Variants in FRMD4A observed in about 807,000 individuals in gnomAD.
The protein encoded by FRMD4A is FERM domain-containing protein 4A.
FRMD4A carries 29 observed loss-of-function variants against 129.1 expected under a neutral mutation model. The ratio of observed to expected loss-of-function variants is 0.22; its 90% CI spans 0.17 to 0.31. The LOEUF (loss-of-function observed/expected upper bound fraction) is 0.31. FRMD4A is among the 10% of genes least tolerant of loss of function. The pLI is 1.00. For synonymous variants in FRMD4A, 634 were observed against 571.6 expected (o/e 1.11, Z -1.56); for missense variants, 1,272 against 1,375.8 (o/e 0.92, Z 1.19).
intron 2 of FRMD4A, among the ~76,000 whole-genome samples, chr10:13,895,040 C>T (rs1013857992): frequency 3.3e-5 from 5 of 152,208 alleles, no homozygotes; most frequent in South Asian, 2.1e-4. Flanking sequence ...ATGTAAAGCA[C>T]TTAGAACAGG....
At chr10:14,196,737 T>C (rs1422306608) in intron 2 of FRMD4A, among the ~76,000 whole-genome samples, 2 of 152,218 alleles carry the variant, frequency 1.3e-5, no homozygotes, top group Non-Finnish European at 2.9e-5. Flanking sequence ...ATAGAAATCA[T>C]TCAATAAATG....
Position 14,134,513 on chromosome 10 carries a change from GGATGGAGGGATGGGTGAAAA to G in FRMD4A, c.45+195525_45+195544del, listed in dbSNP as rs1398170296. 1.3e-4 allele frequency among the ~76,000 whole-genome samples: 19 copies of G among 151,342 alleles called. No individual in the cohort carries two copies. In the East Asian group the frequency reaches 3.5e-3, roughly 28 times the overall value. ...TATATGGGGGGATGAATTGTTGGAG[GGATGGAGGGATGGGTGAAAA>G]GATGGAGGGATTGGTGAAAAAAATG... On this transcript the variant is annotated intron_variant, in intron 2 of 24. Transcript: ENST00000357447.
At chr10:13,974,362 G>C (rs911349636) in intron 2 of FRMD4A, among the ~76,000 whole-genome samples, 1 of 152,056 alleles carries the variant, frequency 6.6e-6, no homozygotes, top group African/African-American at 2.4e-5. Context: ...TGCTTTAGTG[G>C]GGCTTGCTCT....
At chr10:14,220,510 G>A (rs1178740668) in intron 2 of FRMD4A, among the ~76,000 whole-genome samples, 1 of 152,166 alleles carries the variant, frequency 6.6e-6, no homozygotes, top group South Asian at 2.1e-4. Context: ...CCGCCTTGAG[G>A]CCAATAATTG....
intron 2 of FRMD4A, among the ~76,000 whole-genome samples, chr10:14,329,674 C>T (rs1327795309): frequency 6.6e-6 from 1 of 152,164 alleles, no homozygotes; most frequent in East Asian, 1.9e-4. Context: ...CAACAGATTC[C>T]ACAGTTGCCC....
chr10:14,209,493 C>T (rs1842876730), intron 2 of FRMD4A, among the ~76,000 whole-genome samples: 1 of 151,988 alleles, frequency 6.6e-6, no homozygotes, highest in South Asian at 2.1e-4. Flanking sequence ...CGCCTGTAAT[C>T]CCAGCACTTT....
chr10:14,328,937 G>C (rs76036565), intron 2 of FRMD4A, among the ~76,000 whole-genome samples: 56 of 152,294 alleles, frequency 3.7e-4, no homozygotes, highest in African/African-American at 1.2e-3. Flanking sequence ...CCAGTGAAAT[G>C]AGAAGTCAGC....
intron 2 of FRMD4A, among the ~76,000 whole-genome samples, chr10:13,946,307 G>A (rs1440672242): frequency 6.6e-6 from 1 of 152,232 alleles, no homozygotes; most frequent in Non-Finnish European, 1.5e-5. Flanking sequence ...CCAGGAAGTT[G>A]AAAGAGGTGC....
chr10:14,123,950 C>G (rs374154019), intron 2 of FRMD4A, among the ~76,000 whole-genome samples: 64 of 152,286 alleles, frequency 4.2e-4, no homozygotes, highest in African/African-American at 1.4e-3. Context: ...AACCCATTTG[C>G]TCCTCCAATG....
intron 8 of FRMD4A, among the ~76,000 whole-genome samples, chr10:13,757,410 G>T (rs2091909466): frequency 6.6e-6 from 1 of 152,168 alleles, no homozygotes; most frequent in African/African-American, 2.4e-5. Flanking sequence ...GTACAAATTT[G>T]TCCTCCATTT....
intron 2 of FRMD4A, among the ~76,000 whole-genome samples, chr10:14,187,150 AGAAG>A (rs1325516226): frequency 9.9e-5 from 13 of 131,798 alleles, no homozygotes; most frequent in East Asian, 2.7e-4. Context: ...AAGGAAGGAA[AGAAG>A]GAAGGGAGGG....
chr10:13,762,704 A>T, intron 6 of FRMD4A, 24 bp from the exon 7 acceptor site: 1 of 1,551,654 alleles, frequency 6.4e-7, no homozygotes, highest in South Asian at 1.1e-5. Context: ...GCAACAAACG[A>T]AGACAAGTTT....
At chr10:14,312,894 AG>A (rs1846603896) in intron 2 of FRMD4A, among the ~76,000 whole-genome samples, 1 of 152,070 alleles carries the variant, frequency 6.6e-6, no homozygotes, top group South Asian at 2.1e-4. Context: ...AAAAAGAATG[AG>A]TTAACACTAT....
intron 5 of FRMD4A, among the ~76,000 whole-genome samples, chr10:13,787,964 T>C (rs913632145): frequency 2.6e-5 from 4 of 152,250 alleles, no homozygotes; most frequent in Non-Finnish European, 4.4e-5. Context: ...ACTACCAGCA[T>C]GGAGCAGGGA....
chr10:13,953,458 A>G (rs2095387430), intron 2 of FRMD4A, among the ~76,000 whole-genome samples: 1 of 152,184 alleles, frequency 6.6e-6, no homozygotes, highest in Non-Finnish European at 1.5e-5. Flanking sequence ...ATAAGAATTC[A>G]TAAGTTTTAA....
intron 2 of FRMD4A, among the ~76,000 whole-genome samples, chr10:14,222,207 G>A (rs1054863129): frequency 6.6e-6 from 1 of 152,222 alleles, no homozygotes. Context: ...ATATAAATCA[G>A]CTGTGAAATC....
At chr10:13,916,853 T>C (rs1471861469) in intron 2 of FRMD4A, among the ~76,000 whole-genome samples, 2 of 151,834 alleles carry the variant, frequency 1.3e-5, no homozygotes. Context: ...TCTACTCATT[T>C]CCCCCCAAAA....
chr10:14,073,495 A>C (rs1835412959), intron 2 of FRMD4A, among the ~76,000 whole-genome samples: 1 of 152,120 alleles, frequency 6.6e-6, no homozygotes, highest in Admixed American at 6.5e-5. Flanking sequence ...AAATCTAGAC[A>C]CCAAGGACCC....
intron 2 of FRMD4A, among the ~76,000 whole-genome samples, chr10:14,111,345 T>C (rs1304949655): frequency 6.6e-6 from 1 of 152,232 alleles, no homozygotes; most frequent in African/African-American, 2.4e-5. Flanking sequence ...CATGAGTCTG[T>C]CTATGCCATG....
Sources: gnomAD v4.1 joint callset for allele counts (sites outside exome capture counted in the v4.1 genomes callset) on GRCh38, gnomAD v4.1.1 for gene constraint, MANE v1.5 for transcripts, NCBI Gene and HGNC (gene_info 2026-07-23, HGNC 2026-07-21) for gene names.